NAALADL2: variants seen among roughly 807,000 people sequenced by gnomAD.
The protein encoded by NAALADL2 is N-acetylated alpha-linked acidic dipeptidase like 2.
Under a neutral mutation model 87.2 loss-of-function variants are expected in NAALADL2, and 76 were observed. The ratio of observed to expected loss-of-function variants is 0.87; its 90% CI spans 0.72 to 1.05. NAALADL2 has a LOEUF of 1.05. Ranked by LOEUF, NAALADL2 falls within the 50% of genes least tolerant of loss-of-function variation. The pLI, the probability that NAALADL2 is intolerant of heterozygous loss-of-function variation, is 0.00. For synonymous variants in NAALADL2, 354 were observed against 331.0 expected, an observed-to-expected ratio of 1.07 and a Z score of -0.75; for missense variants, 1,089 against 945.8, an observed-to-expected ratio of 1.15 and a Z score of -1.99.
chr3:174,504,310 G>A (rs1719078340), intron 1 of NAALADL2, among the ~76,000 whole-genome samples: 1 of 152,044 alleles, frequency 6.6e-6, no homozygotes, highest in Non-Finnish European at 1.5e-5. Context: ...AATGTTTGTG[G>A]GGGAGAATAG....
At position 174,804,374 on chromosome 3, in the gene NAALADL2, A is replaced by T. The variant is rs147798476; in HGVS notation, c.-9+66628A>T. Among the ~76,000 whole-genome samples the T allele has an allele frequency of 4.7e-4, 71 of 152,236 alleles. No homozygotes were observed. In the East Asian group the frequency reaches 0.014, roughly 29 times the overall value. On this transcript the variant is annotated intron_variant, in intron 3 of 3. Coordinates refer to the NAALADL2 transcript ENST00000434257. Reference sequence around the variant, plus strand: ...GCTTAAGGAGATTTTGTGCTGAGACATTGGGGTTTTCTAAATATACTATCA... The same window carrying T: ...GCTTAAGGAGATTTTGTGCTGAGACTTTGGGGTTTTCTAAATATACTATCA...
At chr3:175,191,665 A>G (rs987976936) in intron 2 of NAALADL2, among the ~76,000 whole-genome samples, 3 of 152,178 alleles carry the variant, frequency 2.0e-5, no homozygotes, top group Admixed American at 6.5e-5. Context: ...GATAAAGTTT[A>G]TTTGATCCCC....
At chr3:175,439,731 C>CTTTTTTTTTTTTTT (rs535237866) in intron 5 of NAALADL2, among the ~76,000 whole-genome samples, 55 of 113,674 alleles carry the variant, frequency 4.8e-4, no homozygotes, top group East Asian at 8.3e-4. Flanking sequence ...GTTTTTTTTT[C>CTTTTTTTTTTTTTT]TTTTTTTTCT....
At chr3:175,386,053 A>G (rs1482840381) in intron 5 of NAALADL2, among the ~76,000 whole-genome samples, 1 of 152,014 alleles carries the variant, frequency 6.6e-6, no homozygotes, top group Non-Finnish European at 1.5e-5. Flanking sequence ...CTCCTGTTAT[A>G]AAGTTACTCT....
In NAALADL2 at chr3:174,639,245, ATAACT is replaced by A. The variant is rs1722941856; in HGVS notation, c.-115+88612_-115+88616del. On this transcript the variant is annotated intron_variant, in intron 2 of 3. Transcript: ENST00000434257. Reference sequence around the variant, plus strand: ...GTATCATGGTATACATTAATTCTAAATAACTTAAATGCTTTATACAAAAACTTTGT... The same window carrying A: ...GTATCATGGTATACATTAATTCTAAATAAATGCTTTATACAAAAACTTTGT... Among the ~76,000 whole-genome samples, 3 of 152,320 alleles carry A rather than the reference ATAACT, an allele frequency of 2.0e-5. 1 individual carries two copies. Among genetic ancestry groups the A allele is most frequent in the South Asian group, 4.1e-4 (2 of 4,828 alleles).
chr3:175,330,242 T>C (rs1761239743), intron 5 of NAALADL2, among the ~76,000 whole-genome samples: 1 of 152,142 alleles, frequency 6.6e-6, no homozygotes, highest in African/African-American at 2.4e-5. Flanking sequence ...GTTTAAAAAT[T>C]TTGTAGCACT....
chr3:175,280,757 C>A (rs1025380299), intron 4 of NAALADL2, among the ~76,000 whole-genome samples: 5 of 151,962 alleles, frequency 3.3e-5, no homozygotes, highest in African/African-American at 4.8e-5. Context: ...ACACAGGAGG[C>A]CCTTCAGAAA....
chr3:175,713,754 A>T (rs1332616181), intron 11 of NAALADL2, among the ~76,000 whole-genome samples: 1 of 151,874 alleles, frequency 6.6e-6, no homozygotes, highest in African/African-American at 2.4e-5. Context: ...TTAATACTTT[A>T]AGTTCTGGGA....
chr3:175,737,546 A>G (rs955953093), intron 12 of NAALADL2, 147 bp downstream of exon 12: 5 of 579,912 alleles, frequency 8.6e-6, no homozygotes, highest in African/African-American at 5.7e-5. Context: ...AGGACCTGGA[A>G]GAATTTTAGT....
chr3:175,137,531 A>G (rs934101306), intron 2 of NAALADL2, among the ~76,000 whole-genome samples: 1 of 152,036 alleles, frequency 6.6e-6, no homozygotes, highest in Non-Finnish European at 1.5e-5. Context: ...AATCTTATAC[A>G]TAAAATATAT....
At chr3:175,068,791 C>T (rs146396554) in intron 1 of NAALADL2, among the ~76,000 whole-genome samples, 46 of 152,194 alleles carry the variant, frequency 3.0e-4, no homozygotes, top group East Asian at 2.5e-3. Flanking sequence ...AAATAACCAT[C>T]TGGGACGCAA....
chr3:174,652,580 C>G (rs1724480909), intron 2 of NAALADL2, among the ~76,000 whole-genome samples: 1 of 151,828 alleles, frequency 6.6e-6, no homozygotes, highest in Non-Finnish European at 1.5e-5. Context: ...GAAACTTATT[C>G]ACTATCACGA....
At chr3:174,958,646 T>C (rs907941610) in intron 1 of NAALADL2, among the ~76,000 whole-genome samples, 3 of 152,096 alleles carry the variant, frequency 2.0e-5, no homozygotes, top group African/African-American at 7.2e-5. Context: ...AGTTATGTAG[T>C]TGAAATAGCA....
At chr3:175,442,555 C>T (rs1719978616) in intron 5 of NAALADL2, among the ~76,000 whole-genome samples, 1 of 152,064 alleles carries the variant, frequency 6.6e-6, no homozygotes, top group Admixed American at 6.6e-5. Flanking sequence ...GTAGAGATGA[C>T]AATAGTATCG....
intron 10 of NAALADL2, among the ~76,000 whole-genome samples, chr3:175,580,390 T>C (rs1210042140): frequency 6.6e-6 from 1 of 152,182 alleles, no homozygotes; most frequent in Non-Finnish European, 1.5e-5. Context: ...GTTTACCTGC[T>C]GATTTTTCAT....
intron 2 of NAALADL2, among the ~76,000 whole-genome samples, chr3:175,182,688 C>T (rs970414218): frequency 1.3e-5 from 2 of 149,968 alleles, no homozygotes; most frequent in South Asian, 4.2e-4. Context: ...TAAGCCAATG[C>T]ACCTGCCAAA....
Position 174,797,298 on chromosome 3 carries a change from C to CTTTTTT in NAALADL2, c.-9+59553_-9+59558dup, listed in dbSNP as rs765233495. Among the ~76,000 whole-genome samples, 187 of 97,696 alleles carry CTTTTTT rather than the reference C, an allele frequency of 1.9e-3. 14 individuals are homozygous for CTTTTTT. Among genetic ancestry groups the CTTTTTT allele is most frequent in the East Asian group, 4.1e-3 (12 of 2,928 alleles). 64.1% of individuals were successfully genotyped at this position (97,696 alleles called of 152,430 possible). ...CTGGGATCTTTTTTCTTTTGTTTTT[C>CTTTTTT]TTTTTTCTTTTTTTTTTTTTTTTTT... On this transcript the variant is annotated intron_variant, in intron 3 of 3. Transcript: ENST00000434257.
chr3:175,135,651 C>A (rs987819163), intron 2 of NAALADL2, among the ~76,000 whole-genome samples: 1 of 152,082 alleles, frequency 6.6e-6, no homozygotes, highest in South Asian at 2.1e-4. Context: ...AAATAAAGTG[C>A]AGATCATGAA....
intron 2 of NAALADL2, among the ~76,000 whole-genome samples, chr3:174,569,688 T>A (rs993279740): frequency 5.3e-5 from 8 of 152,122 alleles, no homozygotes; most frequent in Non-Finnish European, 1.2e-4. Flanking sequence ...TCAGCTATGT[T>A]AGGTTTAAAA....
Sources: gnomAD v4.1 joint callset for allele counts (sites outside exome capture counted in the v4.1 genomes callset) on GRCh38, gnomAD v4.1.1 for gene constraint, MANE v1.5 for transcripts, NCBI Gene and HGNC (gene_info 2026-07-23, HGNC 2026-07-21) for gene names.